The following TASL variants were observed in gnomAD, a reference collection of about 807,000 sequenced individuals.
TASL encodes the protein TLR adaptor interacting with endolysosomal SLC15A4.
A neutral mutation model predicts 12.9 loss-of-function variants in TASL; 6 were observed. The observed-to-expected ratio is 0.46, with a 90% CI of 0.25 to 0.92. TASL has a LOEUF of 0.92. TASL is among the 40% of genes least tolerant of loss of function. The pLI is 0.17. For missense variants in TASL, 165 were observed against 212.8 expected, an observed-to-expected ratio of 0.78 and a Z score of 1.40; for synonymous variants, 85 against 79.3, an observed-to-expected ratio of 1.07 and a Z score of -0.38.
rs1017562369 is a variant in TASL at position 30,558,960 on chromosome X, AC to A, written c.*489del. 6 of 110,780 alleles carry A rather than the reference AC, an allele frequency of 5.4e-5. No individual in the cohort carries two copies. Among genetic ancestry groups the A allele is most frequent in the African/African-American group, 2.0e-4 (6 of 30,249 alleles). The allele number at this position is 110,780 out of a possible 1,213,427, so 9.1% of individuals were successfully genotyped here. On this transcript the variant is annotated 3_prime_UTR_variant, in exon 3 of 3. Coordinates refer to ENST00000378962, the MANE Select transcript of TASL (RefSeq NM_025159.3). Reference sequence around the variant, plus strand: ...GTAGCTGGGATTACAGGTACCCACCACCATGTCCAGCTAATTTTTTGTATTT... The same window carrying A: ...GTAGCTGGGATTACAGGTACCCACCACATGTCCAGCTAATTTTTTGTATTT...
Position 30,559,857 on chromosome X carries a change from C to T in TASL, c.499G>A (p.Asp167Asn). Residue 167 changes from aspartate (D) to asparagine (N), a missense_variant, in exon 3 of 3, where the codon GAT becomes AAT. By Grantham distance (23) the Asp-to-Asn change is conservative (BLOSUM62 1). Transcript: ENST00000378962. ...KSSEIPLPME[D>N]SISTQPSDFP... ...TCACTGGGCTGAGTAGAAATGGAATCCTCCATGGGTAAAGGAATCTCAGAT... is the reference window on the plus strand; with the variant it reads ...TCACTGGGCTGAGTAGAAATGGAATTCTCCATGGGTAAAGGAATCTCAGAT... 2 of 1,211,228 alleles carry T rather than the reference C, an allele frequency of 1.7e-6. No homozygotes were observed. Among genetic ancestry groups the T allele is most frequent in the East Asian group, 3.0e-5 (1 of 33,858 alleles).
Position 30,559,383 on chromosome X carries a change from C to T in TASL, c.*67G>A, listed in dbSNP as rs1165581982. On this transcript the variant is annotated 3_prime_UTR_variant, in exon 3 of 3. Coordinates refer to ENST00000378962, the MANE Select transcript of TASL (RefSeq NM_025159.3). ...TTCACTAACCCCTCCTGCACATTCTCAGAATAAATGGATAAAGTGTTGCTT... is the reference window on the plus strand; with the variant it reads ...TTCACTAACCCCTCCTGCACATTCTTAGAATAAATGGATAAAGTGTTGCTT... 16 of 894,844 alleles carry T rather than the reference C, an allele frequency of 1.8e-5. No individual in the cohort carries two copies. The Admixed American group carries it at 4.2e-4, about 24-fold the overall frequency. The allele number at this position is 894,844 out of a possible 1,213,427, so 73.7% of individuals were successfully genotyped here.
chrX:30,571,235 G>GA (rs1213862609), intron 2 of TASL, among the ~76,000 whole-genome samples: 518 of 42,286 alleles, frequency 0.012, 12 homozygotes, highest in Non-Finnish European at 0.015. Context: ...AAGGAAGGAA[G>GA]GAAGGAAAAA....
At chrX:30,569,538 G>A (rs1458107237) in intron 2 of TASL, among the ~76,000 whole-genome samples, 1 of 111,635 alleles carries the variant, frequency 9.0e-6, no homozygotes, top group Non-Finnish European at 1.9e-5. Context: ...AAAGTCCACA[G>A]TGAAGTCACC....
At chrX:30,567,723 A>G (rs1930520820) in intron 2 of TASL, among the ~76,000 whole-genome samples, 1 of 111,166 alleles carries the variant, frequency 9.0e-6, no homozygotes, top group African/African-American at 3.3e-5. Context: ...AATGCCCCAA[A>G]CTGAAAAATC....
chrX:30,565,503 T>C (rs1015250744), intron 2 of TASL, among the ~76,000 whole-genome samples: 1 of 111,511 alleles, frequency 9.0e-6, no homozygotes, highest in Non-Finnish European at 1.9e-5. Context: ...AAATGAAAAA[T>C]CTAGACCAGC....
intron 2 of TASL, among the ~76,000 whole-genome samples, chrX:30,566,119 A>G (rs940736849): frequency 1.8e-5 from 2 of 111,608 alleles, no homozygotes; most frequent in African/African-American, 3.3e-5. Flanking sequence ...ATAGCATACT[A>G]TGACAGTTAT....
intron 2 of TASL, among the ~76,000 whole-genome samples, chrX:30,562,387 GGA>G (rs1422660786): frequency 1.8e-5 from 2 of 111,732 alleles, no homozygotes; most frequent in East Asian, 5.6e-4. Flanking sequence ...AGGAGCAGAA[GGA>G]GAGACAGCCA....
intron 2 of TASL, among the ~76,000 whole-genome samples, chrX:30,568,654 T>G (rs955478259): frequency 9.0e-5 from 10 of 111,249 alleles, no homozygotes; most frequent in Admixed American, 8.7e-4. Context: ...TATCTTATTT[T>G]TCTTCATATT....
intron 2 of TASL, among the ~76,000 whole-genome samples, chrX:30,571,769 T>C (rs1446581112): frequency 9.0e-6 from 1 of 111,387 alleles, no homozygotes; most frequent in Non-Finnish European, 1.9e-5. Context: ...GATTTTTGCA[T>C]TTTTCTTAAT....
intron 2 of TASL, among the ~76,000 whole-genome samples, chrX:30,573,418 G>T (rs977482124): frequency 1.1e-4 from 12 of 112,733 alleles, no homozygotes; most frequent in African/African-American, 3.9e-4. Flanking sequence ...GGCTCCAGGG[G>T]AAAGTCAGCA....
In TASL at chrX:30,561,897, T is replaced by C. The variant is rs1394650078; in HGVS notation, c.-1-1541A>G. ...AAAAGTTGTCCTCTCCTTTAAAATC[T>C]ATGTGAAGTTCTGCCCTCAAACCTA... On this transcript the variant is annotated intron_variant, in intron 2 of 2. Transcript: ENST00000378962. Among the ~76,000 whole-genome samples the C allele has an allele frequency of 3.7e-5, 4 of 109,359 alleles. No homozygotes were observed. The Admixed American group carries it at 3.9e-4, about 11-fold the overall frequency. The allele number at this position is 109,359 out of a possible 115,157, so 95.0% of individuals were successfully genotyped here.
intron 2 of TASL, among the ~76,000 whole-genome samples, chrX:30,568,224 T>C (rs924920439): frequency 2.1e-4 from 23 of 108,800 alleles, no homozygotes; most frequent in African/African-American, 6.7e-4. Context: ...GATGACAGAG[T>C]GAGGCTCTGT....
chrX:30,560,161 G>A lies in TASL; in HGVS notation c.195C>T (p.Ile65=). ...GGCTCTCTCTTGAATGCACTGAAGA[G>A]ATAAACTTGCCAGATGATTTGCAGC... is the stretch of plus-strand genomic sequence containing the variant. ...YVSCKSSGKF[I]SSVHSRESQH... is the part of the protein sequence containing the mutation. Residue 65 remains isoleucine (I), a synonymous_variant, in exon 3 of 3, where the codon ATC becomes ATT. Transcript: ENST00000378962. The A allele has an allele frequency of 5.0e-6, 6 of 1,210,558 alleles. No homozygotes were observed. The highest frequency in any genetic ancestry group is 6.7e-6 in the Non-Finnish European group (6 of 894,803).
At position 30,560,215 on chromosome X, in the gene TASL, A is replaced by G; in HGVS notation, c.141T>C (p.Asp47=). Reference sequence around the variant, plus strand: ...CGTAGAGACTTCTGACTTGTGTTTCATCCACAGAGGAATAGGAAAGGGTAG... The same window carrying G: ...CGTAGAGACTTCTGACTTGTGTTTCGTCCACAGAGGAATAGGAAAGGGTAG... The part of the protein sequence containing the change: ...SVATLSYSSV[D]ETQVRSLYVS... Residue 47 remains aspartate, a synonymous_variant, in exon 3 of 3, where the codon GAT becomes GAC. Transcript: ENST00000378962. The G allele has an allele frequency of 8.3e-7, 1 of 1,211,300 alleles. No homozygotes were observed. The highest frequency in any genetic ancestry group is 1.1e-6 in the Non-Finnish European group (1 of 895,340).
At chrX:30,571,135 G>A (rs1930587709) in intron 2 of TASL, among the ~76,000 whole-genome samples, 1 of 104,995 alleles carries the variant, frequency 9.5e-6, no homozygotes, top group Non-Finnish European at 2.0e-5. Flanking sequence ...AGCTGAGATT[G>A]CGCCACTGCA....
intron 2 of TASL, among the ~76,000 whole-genome samples, chrX:30,566,520 TA>T (rs1366835413): frequency 4.6e-5 from 5 of 109,399 alleles, no homozygotes; most frequent in African/African-American, 1.7e-4. Context: ...AACAAACAAA[TA>T]AAAAAAAGAG....
chrX:30,559,849 A>G lies in TASL; in HGVS notation c.507T>C (p.Ile169=). The change falls in exon 3 of 3, where the codon ATT becomes ATC. Residue 169 remains isoleucine (I), a synonymous_variant. Coordinates refer to ENST00000378962, the MANE Select transcript of TASL (RefSeq NM_025159.3). ...SEIPLPMEDS[I]STQPSDFPQK... ...GGGGAAAGTCACTGGGCTGAGTAGAAATGGAATCCTCCATGGGTAAAGGAA... is the reference window on the plus strand; with the variant it reads ...GGGGAAAGTCACTGGGCTGAGTAGAGATGGAATCCTCCATGGGTAAAGGAA... The G allele has an allele frequency of 1.7e-6, 2 of 1,211,462 alleles. No homozygotes were observed. The highest frequency in any genetic ancestry group is 2.2e-6 in the Non-Finnish European group (2 of 895,357).
intron 2 of TASL, among the ~76,000 whole-genome samples, chrX:30,573,870 A>G (rs970977060): frequency 9.0e-6 from 1 of 111,689 alleles, no homozygotes; most frequent in Non-Finnish European, 1.9e-5. Flanking sequence ...GTGAGTCATG[A>G]TCACACCACT....
Sources: gnomAD v4.1 joint callset for allele counts (sites outside exome capture counted in the v4.1 genomes callset) on GRCh38, gnomAD v4.1.1 for gene constraint, MANE v1.5 for transcripts, NCBI Gene and HGNC (gene_info 2026-07-23, HGNC 2026-07-21) for gene names.